Variants in MYRIP observed in about 807,000 individuals in gnomAD.
MYRIP encodes rab effector MyRIP.
MYRIP carries 49 observed loss-of-function variants against 98.0 expected under a neutral mutation model. That is an observed-to-expected ratio of 0.50 (90% CI 0.40 to 0.63). MYRIP has a LOEUF of 0.63. Among genes scored for constraint, MYRIP ranks in the 30% least tolerant of loss-of-function variants. MYRIP has a pLI of 0.00. For missense variants in MYRIP, 1,004 were observed against 1,058.2 expected (o/e 0.95, Z 0.71); for synonymous variants, 404 against 409.5 (o/e 0.99, Z 0.16).
rs1056023257 is a variant in MYRIP, at chr3:40,183,458, G to A, written c.1027+1085G>A. ...GTCCTTTATAAAGCTGTTGAGTCACGTAATCCCTCAAAATGAAGGGGCTCA... is the reference window on the plus strand; with the variant it reads ...GTCCTTTATAAAGCTGTTGAGTCACATAATCCCTCAAAATGAAGGGGCTCA... On this transcript the variant is annotated intron_variant, in intron 9 of 16. Coordinates refer to ENST00000302541, the MANE Select transcript of MYRIP (RefSeq NM_015460.4). Among the ~76,000 whole-genome samples, 16 of 152,176 alleles carry A rather than the reference G, an allele frequency of 1.1e-4. No individual in the cohort carries two copies. In the South Asian group the frequency reaches 1.4e-3, roughly 14 times the overall value.
At chr3:39,901,487 C>A (rs1418162667) in intron 2 of MYRIP, among the ~76,000 whole-genome samples, 3 of 152,118 alleles carry the variant, frequency 2.0e-5, no homozygotes, top group Admixed American at 1.3e-4. Context: ...GTTGATATTT[C>A]CCCATGAAAG....
intron 1 of MYRIP, among the ~76,000 whole-genome samples, chr3:39,835,184 G>T (rs1189154750): frequency 6.6e-6 from 1 of 152,180 alleles, no homozygotes; most frequent in Non-Finnish European, 1.5e-5. Context: ...CTGTTGTGAA[G>T]CTTATCCATC....
At chr3:39,840,693 A>C (rs561536611) in intron 1 of MYRIP, among the ~76,000 whole-genome samples, 1 of 152,168 alleles carries the variant, frequency 6.6e-6, no homozygotes, top group Non-Finnish European at 1.5e-5. Context: ...CTTGTCTGTA[A>C]AGGATTTTAT....
intron 2 of MYRIP, among the ~76,000 whole-genome samples, chr3:40,027,550 C>A (rs1947162364): frequency 6.6e-6 from 1 of 152,152 alleles, no homozygotes; most frequent in South Asian, 2.1e-4. Flanking sequence ...CCCAGAGAAG[C>A]CCTCTCTTGC....
chr3:40,044,068 G>A lies in MYRIP; in HGVS notation c.129G>A (p.Leu43=). ...EERLSELKQK[L]DEEGSKCSIL... Reference sequence around the variant, plus strand: ...TTCCCAGTGAGCTGAAGCAGAAGCTGGATGAGGAAGGCAGCAAGTGCAGCA... The same window carrying A: ...TTCCCAGTGAGCTGAAGCAGAAGCTAGATGAGGAAGGCAGCAAGTGCAGCA... The change falls in exon 3 of 17, where the codon CTG becomes CTA. Residue 43 remains leucine (L), a synonymous_variant. Transcript: ENST00000302541. 1 of 1,613,894 alleles carries A rather than the reference G, an allele frequency of 6.2e-7. No individual in the cohort carries two copies. Among genetic ancestry groups the A allele is most frequent in the Non-Finnish European group, 8.5e-7 (1 of 1,179,886 alleles).
At chr3:39,950,681 A>C (rs2125717360) in intron 2 of MYRIP, among the ~76,000 whole-genome samples, 1 of 152,328 alleles carries the variant, frequency 6.6e-6, no homozygotes, top group South Asian at 2.1e-4. Context: ...TTCCAAGAAG[A>C]ACATGAGTAG....
chr3:39,972,875 G>C (rs1408133725), intron 2 of MYRIP, among the ~76,000 whole-genome samples: 1 of 151,680 alleles, frequency 6.6e-6, no homozygotes, highest in Non-Finnish European at 1.5e-5. Flanking sequence ...TGCCCTGCAA[G>C]TCTTGATTTT....
rs35495297 is a variant in MYRIP at position 40,060,596 on chromosome 3, T to TGAGAGAGAGAGAGAGAGAGA, written c.332+16328_332+16347dup. ...TAGATTTTCTTTTTTTTTCTTTTTT[T>TGAGAGAGAGAGAGAGAGAGA]GAGAGAGAGAGAGAGAGAGAGATTC... On this transcript the variant is annotated intron_variant, in intron 3 of 16. Transcript: ENST00000302541. Among the ~76,000 whole-genome samples the TGAGAGAGAGAGAGAGAGAGA allele has an allele frequency of 8.8e-3, 1,215 of 138,780 alleles. 34 individuals are homozygous for TGAGAGAGAGAGAGAGAGAGA. The highest frequency in any genetic ancestry group is 0.039 in the Admixed American group (539 of 13,678). The allele number at this position is 138,780 out of a possible 152,430, so 91.0% of individuals were successfully genotyped here. A position where few individuals can be genotyped will look rare whatever the true frequency, so the allele number is the denominator to read the frequency against.
At chr3:39,854,627 A>C (rs559733756) in intron 1 of MYRIP, among the ~76,000 whole-genome samples, 1 of 152,202 alleles carries the variant, frequency 6.6e-6, no homozygotes, top group South Asian at 2.1e-4. Context: ...AACCTTCTGA[A>C]TTCTTTTTCT....
chr3:39,997,746 G>C (rs2125781025), intron 2 of MYRIP, among the ~76,000 whole-genome samples: 1 of 152,196 alleles, frequency 6.6e-6, no homozygotes, highest in East Asian at 1.9e-4. Context: ...GAGAATTTTA[G>C]ACAAATATCC....
chr3:39,993,760 G>A (rs1946236978), intron 2 of MYRIP, among the ~76,000 whole-genome samples: 1 of 152,192 alleles, frequency 6.6e-6, no homozygotes, highest in Admixed American at 6.5e-5. Flanking sequence ...ATGTTACAAT[G>A]GATAGTGATG....
At chr3:39,898,136 T>C (rs1943658599) in intron 1 of MYRIP, among the ~76,000 whole-genome samples, 1 of 152,176 alleles carries the variant, frequency 6.6e-6, no homozygotes, top group Non-Finnish European at 1.5e-5. Context: ...GTGGGTAGGA[T>C]GTTACTTCTA....
At chr3:40,251,479 G>A (rs1429622076) in intron 15 of MYRIP, among the ~76,000 whole-genome samples, 1 of 152,126 alleles carries the variant, frequency 6.6e-6, no homozygotes, top group Non-Finnish European at 1.5e-5. Flanking sequence ...TTACAGCAGA[G>A]CACAAAAACA....
intron 11 of MYRIP, among the ~76,000 whole-genome samples, chr3:40,226,770 A>G (rs988594092): frequency 6.6e-6 from 1 of 152,238 alleles, no homozygotes; most frequent in Non-Finnish European, 1.5e-5. Flanking sequence ...CCCAGAGCCT[A>G]GCACACAGTG....
intron 12 of MYRIP, among the ~76,000 whole-genome samples, chr3:40,239,041 A>C: frequency 7.0e-6 from 1 of 143,566 alleles, no homozygotes; most frequent in Non-Finnish European, 1.5e-5. Flanking sequence ...ATATCTCCCA[A>C]TGCTATCCCT....
Position 39,900,854 on chromosome 3 carries a change from A to C in MYRIP, c.38A>C (p.Asp13Ala). 1 of 1,613,904 alleles carries C rather than the reference A, an allele frequency of 6.2e-7. No individual in the cohort carries two copies. Among genetic ancestry groups the C allele is most frequent in the South Asian group, 1.1e-5 (1 of 91,082 alleles). ...RKLDLSGLTDDETEHVLQVVQ... is the reference protein window; with the variant it reads ...RKLDLSGLTDAETEHVLQVVQ... ...CTGGACCTGTCTGGTTTGACTGATGATGAAACAGAGCATGTTCTTCAGGTG... is the reference window on the plus strand; with the variant it reads ...CTGGACCTGTCTGGTTTGACTGATGCTGAAACAGAGCATGTTCTTCAGGTG... Residue 13 changes from aspartate (D) to alanine (A), a missense_variant, in exon 2 of 17, where the codon GAT becomes GCT. Transcript: ENST00000302541.
chr3:39,889,743 G>T (rs1207667163), intron 1 of MYRIP, among the ~76,000 whole-genome samples: 1 of 152,042 alleles, frequency 6.6e-6, no homozygotes, highest in Non-Finnish European at 1.5e-5. Context: ...TTATTATGCG[G>T]ACATTTAAAA....
At chr3:40,203,991 TTA>T (rs1951679662) in intron 10 of MYRIP, among the ~76,000 whole-genome samples, 2 of 602 alleles carry the variant, frequency 3.3e-3, no homozygotes, top group Non-Finnish European at 3.9e-3. Flanking sequence ...ATAATATATA[TTA>T]TATATATTAT....
intron 10 of MYRIP, among the ~76,000 whole-genome samples, chr3:40,195,491 T>C (rs1951362035): frequency 6.6e-6 from 1 of 152,108 alleles, no homozygotes; most frequent in Non-Finnish European, 1.5e-5. Context: ...AAATGGGGTC[T>C]TGCCAGATTG....
Sources: allele counts gnomAD v4.1 joint callset (sites outside exome capture counted in the v4.1 genomes callset), GRCh38; gene constraint gnomAD v4.1.1; transcripts MANE v1.5; gene names NCBI Gene and HGNC (gene_info 2026-07-23, HGNC 2026-07-21).